MBNL3: variants seen among roughly 807,000 people sequenced by gnomAD.
The protein encoded by MBNL3 is muscleblind-like protein 3.
Under a neutral mutation model 24.5 loss-of-function variants are expected in MBNL3, and 6 were observed. That is an observed-to-expected ratio of 0.25 (90% CI 0.13 to 0.48). The LOEUF is 0.48. MBNL3 is among the 20% of genes least tolerant of loss of function. MBNL3 has a pLI of 0.99. For missense variants in MBNL3, 230 were observed against 293.5 expected (o/e 0.78, Z 1.58); for synonymous variants, 100 against 101.7 (o/e 0.98, Z 0.10).
chrX:132,399,123 A>C (rs1202953456), intron 3 of MBNL3, among the ~76,000 whole-genome samples: 1 of 111,708 alleles, frequency 9.0e-6, no homozygotes, highest in East Asian at 2.8e-4. Flanking sequence ...TTAATTTTTG[A>C]TTTACTAAAT....
At chrX:132,489,807 A>C (rs1156604773), upstream of MBNL3, 1 of 109,597 alleles carries the variant, frequency 9.1e-6, no homozygotes, top group Non-Finnish European at 1.9e-5. Flanking sequence ...GCCGCCGCCA[A>C]CCTCACCTGG....
intron 1 of MBNL3, among the ~76,000 whole-genome samples, chrX:132,455,303 A>G (rs1253636931): frequency 8.9e-6 from 1 of 112,116 alleles, no homozygotes; most frequent in Non-Finnish European, 1.9e-5. Context: ...CTTCAATAAA[A>G]ACAATGCTAT....
rs1176757513 is a variant in MBNL3, at chrX:132,373,662, T to G, written c.*6004A>C. The G allele has an allele frequency of 8.9e-6, 1 of 111,930 alleles. No homozygotes were observed. Among genetic ancestry groups the G allele is most frequent in the Non-Finnish European group, 1.9e-5 (1 of 53,071 alleles). 9.2% of individuals were successfully genotyped at this position (111,930 alleles called of 1,213,427 possible). On this transcript the variant is annotated 3_prime_UTR_variant, in exon 9 of 9. Transcript: ENST00000370853. ...ACAAGTACCTGTAGTGATCAAATGCTTAACCTTTCTAACCTTGACCTCTTC... is the reference window on the plus strand; with the variant it reads ...ACAAGTACCTGTAGTGATCAAATGCGTAACCTTTCTAACCTTGACCTCTTC...
rs758381121 is a variant in MBNL3, at chrX:132,379,471, T to C, written c.*195A>G. 4 of 381,615 alleles carry C rather than the reference T, an allele frequency of 1.0e-5. No homozygotes were observed. Among genetic ancestry groups the C allele is most frequent in the Non-Finnish European group, 1.8e-5 (4 of 222,022 alleles). The allele number at this position is 381,615 out of a possible 1,213,427, so 31.4% of individuals were successfully genotyped here. ...GTAGTTACTAGTTTTCTATTTGTGT[T>C]GTTTTAACATCTCCATTGATTTTTA... On this transcript the variant is annotated 3_prime_UTR_variant, in exon 9 of 9. Coordinates refer to ENST00000370853, the MANE Select transcript of MBNL3 (RefSeq NM_001386889.1).
intron 3 of MBNL3, among the ~76,000 whole-genome samples, chrX:132,404,648 G>A (rs1941492465): frequency 9.0e-6 from 1 of 111,689 alleles, no homozygotes; most frequent in African/African-American, 3.3e-5. Flanking sequence ...AGAGTATGGT[G>A]CAAACCTTTA....
intron 1 of MBNL3, among the ~76,000 whole-genome samples, chrX:132,485,306 T>C (rs1947947522): frequency 8.9e-6 from 1 of 111,927 alleles, no homozygotes; most frequent in Non-Finnish European, 1.9e-5. Flanking sequence ...AGTCCCATTA[T>C]TTCTCAAATA....
Position 132,453,203 on chromosome X carries a change from G to A in MBNL3, c.-703-12889C>T, listed in dbSNP as rs761804693. Among the ~76,000 whole-genome samples, 10 of 111,354 alleles carry A rather than the reference G, an allele frequency of 9.0e-5. No homozygotes were observed. The East Asian group carries it at 2.8e-3, about 31-fold the overall frequency. On this transcript the variant is annotated intron_variant, in intron 1 of 8. Transcript: ENST00000370853. ...AAAGTGACCTAAGGAGTATATATTT[G>A]TTATAGAAGAAGGAGCCTCTCTCAT... is the stretch of plus-strand genomic sequence containing the variant.
At position 132,410,840 on chromosome X, in the gene MBNL3, A is replaced by C. The variant is rs1232773439; in HGVS notation, c.178-4448T>G. On this transcript the variant is annotated intron_variant, in intron 2 of 8. Transcript: ENST00000370853. ...TTAAAGCTAGGAAAAACCTGAGTCA[A>C]GATCAACATACAACGAGTTATTAGC... Among the ~76,000 whole-genome samples the C allele has an allele frequency of 3.6e-5, 4 of 112,276 alleles. No individual in the cohort carries two copies. In the East Asian group the frequency reaches 8.4e-4, roughly 23 times the overall value.
chrX:132,478,858 A>AC (rs1348141086), intron 1 of MBNL3, among the ~76,000 whole-genome samples: 1 of 112,687 alleles, frequency 8.9e-6, no homozygotes, highest in East Asian at 2.8e-4. Flanking sequence ...ACCTATATTA[A>AC]TTTTGACACC....
chrX:132,444,213 T>G (rs1603253084), intron 1 of MBNL3, among the ~76,000 whole-genome samples: 2 of 110,589 alleles, frequency 1.8e-5, no homozygotes, highest in African/African-American at 6.6e-5. Context: ...TTTTGAAAAC[T>G]ATAAAGATTA....
At chrX:132,388,666 A>T (rs1345345958) in intron 5 of MBNL3, among the ~76,000 whole-genome samples, 1 of 111,431 alleles carries the variant, frequency 9.0e-6, no homozygotes, top group African/African-American at 3.3e-5. Context: ...TGGTGATTGT[A>T]CTATTAAACT....
At chrX:132,451,118 G>C (rs1216126271) in intron 1 of MBNL3, among the ~76,000 whole-genome samples, 2 of 112,500 alleles carry the variant, frequency 1.8e-5, no homozygotes, top group Admixed American at 1.9e-4. Context: ...CCTGCTGGGA[G>C]GTTTCTCCCA....
At chrX:132,396,252 G>A (rs185741325) in intron 3 of MBNL3, among the ~76,000 whole-genome samples, 14 of 103,244 alleles carry the variant, frequency 1.4e-4, no homozygotes, top group African/African-American at 3.9e-4. Flanking sequence ...AAAGTTCACC[G>A]ACCTTGGTTC....
At chrX:132,392,551 A>T (rs1245725122) in intron 3 of MBNL3, among the ~76,000 whole-genome samples, 1 of 112,499 alleles carries the variant, frequency 8.9e-6, no homozygotes, top group Non-Finnish European at 1.9e-5. Flanking sequence ...TGGTAAGCTC[A>T]TAAAATAAGC....
Position 132,470,018 on chromosome X carries a change from C to T in MBNL3, c.-704+18833G>A, listed in dbSNP as rs961145261. 8.1e-5 allele frequency among the ~76,000 whole-genome samples: 9 copies of T among 111,700 alleles called. No individual in the cohort carries two copies. The East Asian group carries it at 1.7e-3, about 21-fold the overall frequency. ...CATTTAATACAATGTTTTTAAGGTT[C>T]GTCCATGTTGTAGCATGTATTCCAT... On this transcript the variant is annotated intron_variant, in intron 1 of 8. Transcript: ENST00000370853.
rs1277152928 is a variant in MBNL3 at position 132,453,075 on chromosome X, G to GAAGAT, written c.-703-12762_-703-12761insATCTT. On this transcript the variant is annotated intron_variant, in intron 1 of 8. Transcript: ENST00000370853. The stretch of plus-strand genomic sequence containing the variant: ...AATAAGGGCTGGAAGATCAGACTGG[G>GAAGAT]CACCTGGCGTGTGTAGGATGGTGAG... Among the ~76,000 whole-genome samples, 3 of 111,726 alleles carry GAAGAT rather than the reference G, an allele frequency of 2.7e-5. No homozygotes were observed. The Admixed American group carries it at 2.8e-4, about 11-fold the overall frequency.
chrX:132,460,333 A>C (rs1946567412), intron 1 of MBNL3, among the ~76,000 whole-genome samples: 1 of 111,803 alleles, frequency 8.9e-6, no homozygotes, highest in South Asian at 3.7e-4. Flanking sequence ...ATGTCCTAGA[A>C]TTTTTTGAAA....
At chrX:132,410,726 A>G (rs996723568) in intron 2 of MBNL3, among the ~76,000 whole-genome samples, 2 of 112,594 alleles carry the variant, frequency 1.8e-5, no homozygotes, top group African/African-American at 3.2e-5. Context: ...ACATGCACAG[A>G]CATGGCTTCT....
intron 1 of MBNL3, among the ~76,000 whole-genome samples, chrX:132,448,060 T>C (rs1293345006): frequency 1.8e-5 from 2 of 112,478 alleles, no homozygotes; most frequent in African/African-American, 6.5e-5. Flanking sequence ...TGTTTATTGA[T>C]TTATGTATGT....
Sources: gnomAD v4.1 joint callset for allele counts (sites outside exome capture counted in the v4.1 genomes callset) on GRCh38, gnomAD v4.1.1 for gene constraint, MANE v1.5 for transcripts, NCBI Gene and HGNC (gene_info 2026-07-23, HGNC 2026-07-21) for gene names.